The following TRIL variants were observed in gnomAD, a reference collection of about 807,000 sequenced individuals.
TRIL encodes the protein TLR4 interactor with leucine rich repeats.
TRIL carries 23 observed loss-of-function variants against 43.0 expected under a neutral mutation model. That is an observed-to-expected ratio of 0.54 (90% CI 0.39 to 0.76). The LOEUF (loss-of-function observed/expected upper bound fraction) is 0.76. TRIL is among the 30% of genes least tolerant of loss of function. The probability of loss-of-function intolerance (pLI) is 0.00; values close to 1 mark genes in which losing one functional copy is unlikely to be tolerated. For missense variants in TRIL, 1,114 were observed against 1,139.3 expected, an observed-to-expected ratio of 0.98 and a Z score of 0.32; for synonymous variants, 602 against 556.8, an observed-to-expected ratio of 1.08 and a Z score of -1.14.
chr7:28,955,598 A>T lies in TRIL; in HGVS notation c.*13T>A. 1 of 1,522,950 alleles carries T rather than the reference A, an allele frequency of 6.6e-7. No homozygotes were observed. Among genetic ancestry groups the T allele is most frequent in the African/African-American group, 1.4e-5 (1 of 72,842 alleles). The allele number at this position is 1,522,950 out of a possible 1,614,324, so 94.3% of individuals were successfully genotyped here. ...CCTTAGGGCCAATGAGATGGTCTCT[A>T]TATGCCCTGGACCTAGTCGGCAAAT... On this transcript the variant is annotated 3_prime_UTR_variant, in exon 1 of 1. Coordinates refer to ENST00000539664, the MANE Select transcript of TRIL (RefSeq NM_014817.4).
chr7:28,956,638 C>A lies in TRIL; in HGVS notation c.1409G>T (p.Gly470Val), dbSNP rs774423313. 1.9e-6 allele frequency: 3 copies of A among 1,564,800 alleles called. No individual in the cohort carries two copies. In the South Asian group the frequency reaches 3.5e-5, roughly 18 times the overall value. ...GRFLAGVAWD[G>V]AARELVGNRS... is the part of the protein sequence containing the mutation. ...GTTGCCTACCAGCTCCCTGGCGGCCCCATCCCAGGCCACCCCAGCTAGAAA... is the reference window on the plus strand; with the variant it reads ...GTTGCCTACCAGCTCCCTGGCGGCCACATCCCAGGCCACCCCAGCTAGAAA... The change falls in exon 1 of 1, where the codon GGG (glycine) becomes GTG (valine). Residue 470 changes from glycine to valine, a missense_variant. Coordinates refer to ENST00000539664, the MANE Select transcript of TRIL (RefSeq NM_014817.4).
In TRIL at chr7:28,954,403, C is replaced by G. The variant is rs943716899; in HGVS notation, c.*1208G>C. The stretch of plus-strand genomic sequence containing the variant: ...TATTTCACAGTGAGGTTTAAGTACT[C>G]ATAACAATCTTCTGGTTTTAGTAGA... On this transcript the variant is annotated 3_prime_UTR_variant, in exon 1 of 1. Coordinates refer to ENST00000539664, the MANE Select transcript of TRIL (RefSeq NM_014817.4). 1.4e-4 allele frequency: 22 copies of G among 152,634 alleles called. No individual in the cohort carries two copies. Among genetic ancestry groups the G allele is most frequent in the African/African-American group, 4.8e-4 (20 of 41,452 alleles). 9.5% of individuals were successfully genotyped at this position (152,634 alleles called of 1,614,324 possible). A position where few individuals can be genotyped will look rare whatever the true frequency, so the allele number is the denominator to read the frequency against.
At position 28,956,323 on chromosome 7, in the gene TRIL, A is replaced by T; in HGVS notation, c.1724T>A (p.Leu575Gln). ...QSDGGAGLPP[L>Q]VSDPCDFNKF... The stretch of plus-strand genomic sequence containing the variant: ...GTTGAAGTCGCATGGGTCGGACACC[A>T]GCGGCGGCAGCCCGGCCCCACCGTC... The change falls in exon 1 of 1, where the codon CTG becomes CAG. Residue 575 changes from leucine (L) to glutamine (Q), a missense_variant. By Grantham distance (113) the Leu-to-Gln change is moderately radical (BLOSUM62 -2). Transcript: ENST00000539664. 1 of 1,535,204 alleles carries T rather than the reference A, an allele frequency of 6.5e-7. No individual in the cohort carries two copies.
chr7:28,955,834 A>T lies in TRIL; in HGVS notation c.2213T>A (p.Val738Asp), dbSNP rs754576706. Reference protein sequence around the residue: ...ARRKGGAPVHVRHMYSTRRPL... With the variant: ...ARRKGGAPVHDRHMYSTRRPL... ...CCGTCGGGTGGAGTACATGTGCCGAACGTGGACCGGGGCCCCGCCCTTCCG... is the reference window on the plus strand; with the variant it reads ...CCGTCGGGTGGAGTACATGTGCCGATCGTGGACCGGGGCCCCGCCCTTCCG... Residue 738 changes from valine to aspartate, a missense_variant, in exon 1 of 1, where the codon GTT (valine) becomes GAT (aspartate). Coordinates refer to ENST00000539664, the MANE Select transcript of TRIL (RefSeq NM_014817.4). 9 of 1,549,812 alleles carry T rather than the reference A, an allele frequency of 5.8e-6. No individual in the cohort carries two copies. In the South Asian group the frequency reaches 9.5e-5, roughly 16 times the overall value.
rs1462485510 is a variant in TRIL at position 28,957,831 on chromosome 7, G to A, written c.216C>T (p.Thr72=). The A allele has an allele frequency of 6.2e-7, 1 of 1,613,774 alleles. No homozygotes were observed. Among genetic ancestry groups the A allele is most frequent in the Non-Finnish European group, 8.5e-7 (1 of 1,179,786 alleles). The change falls in exon 1 of 1, where the codon ACC becomes ACT. Residue 72 remains threonine, a synonymous_variant. Transcript: ENST00000539664. ...GGTGGAAGTCGAAGGCCGTGATGTT[G>A]GTTATGAAGTTGCCGCCGAGGCTGT... ...LTYSLGGNFI[T]NITAFDFHRL...
rs1325499472 is a variant in TRIL, at chr7:28,954,555, C to T, written c.*1056G>A. 1 of 152,454 alleles carries T rather than the reference C, an allele frequency of 6.6e-6. No homozygotes were observed. The highest frequency in any genetic ancestry group is 1.9e-4 in the East Asian group (1 of 5,196). The allele number at this position is 152,454 out of a possible 1,614,324, so 9.4% of individuals were successfully genotyped here. A position where few individuals can be genotyped will look rare whatever the true frequency, so the allele number is the denominator to read the frequency against. ...CAATTGACAATCACCTTTTGCTTCCCTATTAGGAAATAACCTTCATTGCTT... is the reference window on the plus strand; with the variant it reads ...CAATTGACAATCACCTTTTGCTTCCTTATTAGGAAATAACCTTCATTGCTT... On this transcript the variant is annotated 3_prime_UTR_variant, in exon 1 of 1. Coordinates refer to ENST00000539664, the MANE Select transcript of TRIL (RefSeq NM_014817.4).
rs1783443376 is a variant in TRIL, at chr7:28,958,289, T to G, written c.-243A>C. On this transcript the variant is annotated 5_prime_UTR_variant, in exon 1 of 1. Transcript: ENST00000539664. ...GACCCCGGGTACTACTTGTTGCATT[T>G]CTGTATAAAACTGTTTCTCCGGGTG... 1 of 509,424 alleles carries G rather than the reference T, an allele frequency of 2.0e-6. No individual in the cohort carries two copies. The allele number at this position is 509,424 out of a possible 1,614,324, so 31.6% of individuals were successfully genotyped here. A position where few individuals can be genotyped will look rare whatever the true frequency, so the allele number is the denominator to read the frequency against.
At position 28,958,110 on chromosome 7, in the gene TRIL, T is replaced by C; in HGVS notation, c.-64A>G. ...TGGCCCGCCGGCTCTGTGTCTCCTC[T>C]GCATTCCCCTTAGCCTGGCCAGAGT... On this transcript the variant is annotated 5_prime_UTR_variant, in exon 1 of 1. Transcript: ENST00000539664. 3 of 1,456,040 alleles carry C rather than the reference T, an allele frequency of 2.1e-6. No homozygotes were observed. The highest frequency in any genetic ancestry group is 9.0e-7 in the Non-Finnish European group (1 of 1,107,864). 90.2% of individuals were successfully genotyped at this position (1,456,040 alleles called of 1,614,324 possible).
chr7:28,956,812 C>A lies in TRIL; in HGVS notation c.1235G>T (p.Gly412Val). 6.2e-7 allele frequency: 1 copy of A among 1,611,450 alleles called. No homozygotes were observed. The highest frequency in any genetic ancestry group is 1.1e-5 in the South Asian group (1 of 90,884). Residue 412 changes from glycine to valine, a missense_variant, in exon 1 of 1, where the codon GGA becomes GTA. By Grantham distance (109) the Gly-to-Val change is moderately radical. Transcript: ENST00000539664. ...TGAGGGCGAGGGATCCGCGCAGGAT[C>A]CATTTTGCAGCTGCTGGTCATCCAG... is the stretch of plus-strand genomic sequence containing the variant. ...DYLDDQQLQNGSCADPSPSAS... is the reference protein window; with the variant it reads ...DYLDDQQLQNVSCADPSPSAS...
Position 28,955,482 on chromosome 7 carries a change from A to C in TRIL, c.*129T>G. On this transcript the variant is annotated 3_prime_UTR_variant, in exon 1 of 1. Coordinates refer to ENST00000539664, the MANE Select transcript of TRIL (RefSeq NM_014817.4). Reference sequence around the variant, plus strand: ...TTGGGAATTGGGGGATGGTGCCCGAATTGGCCCTCTGTCCCCACCGGCCTC... The same window carrying C: ...TTGGGAATTGGGGGATGGTGCCCGACTTGGCCCTCTGTCCCCACCGGCCTC... The C allele has an allele frequency of 1.5e-6, 2 of 1,328,242 alleles. No individual in the cohort carries two copies. The allele number at this position is 1,328,242 out of a possible 1,614,324, so 82.3% of individuals were successfully genotyped here. A position where few individuals can be genotyped will look rare whatever the true frequency, so the allele number is the denominator to read the frequency against.
Position 28,957,405 on chromosome 7 carries a change from C to T in TRIL, c.642G>A (p.Glu214=). Residue 214 remains glutamate, a synonymous_variant, in exon 1 of 1, where the codon GAG becomes GAA. Coordinates refer to ENST00000539664, the MANE Select transcript of TRIL (RefSeq NM_014817.4). The part of the protein sequence containing the change: ...KLRFLNLSAN[E]LQPSLRHAAT... ...CCGCGTGGCGCAGGGAGGGCTGTAGCTCGTTGGCAGAGAGGTTGAGGAAGC... is the reference window on the plus strand; with the variant it reads ...CCGCGTGGCGCAGGGAGGGCTGTAGTTCGTTGGCAGAGAGGTTGAGGAAGC... The T allele has an allele frequency of 1.2e-6, 2 of 1,613,534 alleles. No homozygotes were observed. The highest frequency in any genetic ancestry group is 1.7e-6 in the Non-Finnish European group (2 of 1,179,868).
chr7:28,955,326 A>G lies in TRIL; in HGVS notation c.*285T>C. 1 of 432,328 alleles carries G rather than the reference A, an allele frequency of 2.3e-6. No individual in the cohort carries two copies. Among genetic ancestry groups the G allele is most frequent in the Non-Finnish European group, 4.0e-6 (1 of 248,524 alleles). 26.8% of individuals were successfully genotyped at this position (432,328 alleles called of 1,614,324 possible). A position where few individuals can be genotyped will look rare whatever the true frequency, so the allele number is the denominator to read the frequency against. ...CCCCAAAGCCTGGCTTCTGCATTGC[A>G]GTGCTACAAAAGCCATTCGCATAGC... On this transcript the variant is annotated 3_prime_UTR_variant, in exon 1 of 1. Coordinates refer to ENST00000539664, the MANE Select transcript of TRIL (RefSeq NM_014817.4).
Position 28,957,975 on chromosome 7 carries a change from C to A in TRIL, c.72G>T (p.Glu24Asp). The change falls in exon 1 of 1, where the codon GAG becomes GAT. Residue 24 changes from glutamate (E) to aspartate (D), a missense_variant. Transcript: ENST00000539664. ...CGCLALPPLA[E>D]PVCPERCDCQ... ...AGTCGCAGCGCTCCGGGCACACGGG[C>A]TCGGCCAGCGGCGGGAGCGCGAGGC... The A allele has an allele frequency of 3.1e-6, 5 of 1,603,608 alleles. No individual in the cohort carries two copies. The highest frequency in any genetic ancestry group is 4.2e-6 in the Non-Finnish European group (5 of 1,179,054).
chr7:28,954,027 C>T lies in TRIL; in HGVS notation c.*1584G>A, dbSNP rs896960599. On this transcript the variant is annotated 3_prime_UTR_variant, in exon 1 of 1. Transcript: ENST00000539664. ...GGCCCTAAACAGAAGATTCCACTGT[C>T]AGCCTTAGCACCATTGCAGTGACCT... 6.6e-6 allele frequency: 1 copy of T among 152,648 alleles called. No individual in the cohort carries two copies. Among genetic ancestry groups the T allele is most frequent in the Non-Finnish European group, 1.5e-5 (1 of 68,056 alleles). The allele number at this position is 152,648 out of a possible 1,614,324, so 9.5% of individuals were successfully genotyped here.
rs766078909 is a variant in TRIL at position 28,956,990 on chromosome 7, G to T, written c.1057C>A (p.Arg353=). 2 of 1,583,188 alleles carry T rather than the reference G, an allele frequency of 1.3e-6. No individual in the cohort carries two copies. Among genetic ancestry groups the T allele is most frequent in the Non-Finnish European group, 1.7e-6 (2 of 1,165,184 alleles). Residue 353 remains arginine (R), a synonymous_variant, in exon 1 of 1, where the codon CGG becomes AGG. Transcript: ENST00000539664. ...DIFAASPALY[R]LDLDGNGWTC... is the part of the protein sequence containing the mutation. ...CAGCCGTTGCCGTCTAGATCCAGCCGATAAAGGGCTGGGCTGGCGGCGAAG... is the reference window on the plus strand; with the variant it reads ...CAGCCGTTGCCGTCTAGATCCAGCCTATAAAGGGCTGGGCTGGCGGCGAAG...
chr7:28,957,229 A>C lies in TRIL; in HGVS notation c.818T>G (p.Phe273Cys). 2 of 1,606,332 alleles carry C rather than the reference A, an allele frequency of 1.2e-6. No homozygotes were observed. The highest frequency in any genetic ancestry group is 1.7e-6 in the Non-Finnish European group (2 of 1,179,270). ...NQLTHLAPEA[F>C]WGLEALRELR... The stretch of plus-strand genomic sequence containing the variant: ...CTCGCGCAGGGCCTCCAAGCCCCAA[A>C]AGGCCTCAGGCGCGAGGTGCGTGAG... The change falls in exon 1 of 1, where the codon TTT becomes TGT. Residue 273 changes from phenylalanine to cysteine, a missense_variant. By Grantham distance (205) the Phe-to-Cys change is radical. Coordinates refer to ENST00000539664, the MANE Select transcript of TRIL (RefSeq NM_014817.4).
chr7:28,957,140 G>T lies in TRIL; in HGVS notation c.907C>A (p.Leu303Met). 6.3e-7 allele frequency: 1 copy of T among 1,584,814 alleles called. No homozygotes were observed. ...PTALLEPLHS[L>M]EALDLSGNEL... ...TTGCCGCTCAGGTCCAGCGCCTCCAGGCTGTGCAGAGGCTCCAGCAGCGCA... is the reference window on the plus strand; with the variant it reads ...TTGCCGCTCAGGTCCAGCGCCTCCATGCTGTGCAGAGGCTCCAGCAGCGCA... The change falls in exon 1 of 1, where the codon CTG (leucine) becomes ATG (methionine). Residue 303 changes from leucine (L) to methionine (M), a missense_variant. Transcript: ENST00000539664.
Position 28,956,768 on chromosome 7 carries a change from G to A in TRIL, c.1279C>T (p.Arg427Cys). 1.2e-6 allele frequency: 2 copies of A among 1,608,920 alleles called. No individual in the cohort carries two copies. Among genetic ancestry groups the A allele is most frequent in the Non-Finnish European group, 1.7e-6 (2 of 1,179,324 alleles). Residue 427 changes from arginine to cysteine, a missense_variant, in exon 1 of 1, where the codon CGC becomes TGC. Transcript: ENST00000539664. ...PSPSASLTAD[R>C]RRQPLPTAAG... ...GCCGTGGGTAGGGGCTGCCGCCTGC[G>A]GTCAGCGGTCAGGGAAGCTGAGGGC...
At position 28,956,589 on chromosome 7, in the gene TRIL, C is replaced by T; in HGVS notation, c.1458G>A (p.Arg486=). 6.4e-7 allele frequency: 1 copy of T among 1,558,426 alleles called. No individual in the cohort carries two copies. ...VGNRSALRLS[R]RGPGLQQPSP... is the part of the protein sequence containing the mutation. ...TGGGCTGCTGGAGGCCCGGGCCCCGCCGACTCAGCCTTAGGGCGCTGCGGT... is the reference window on the plus strand; with the variant it reads ...TGGGCTGCTGGAGGCCCGGGCCCCGTCGACTCAGCCTTAGGGCGCTGCGGT... Residue 486 remains arginine, a synonymous_variant, in exon 1 of 1, where the codon CGG becomes CGA. Transcript: ENST00000539664.
Sources: allele counts gnomAD v4.1 joint callset, GRCh38; gene constraint gnomAD v4.1.1; transcripts MANE v1.5; gene names NCBI Gene and HGNC (gene_info 2026-07-23, HGNC 2026-07-21).